PCDH9: variants seen among roughly 807,000 people sequenced by gnomAD.
The protein encoded by PCDH9 is protocadherin-9.
PCDH9 carries 24 observed loss-of-function variants against 70.6 expected under a neutral mutation model. The ratio of observed to expected loss-of-function variants is 0.34; its 90% confidence interval spans 0.25 to 0.48. The LOEUF (loss-of-function observed/expected upper bound fraction) is 0.48, where lower values mean the gene tolerates loss of function less well. Among genes scored for constraint, PCDH9 ranks in the 20% least tolerant of loss-of-function variants. The probability of loss-of-function intolerance (pLI) is 0.99; values close to 1 mark genes in which losing one functional copy is unlikely to be tolerated. For missense variants in PCDH9, 1,281 were observed against 1,503.6 expected (o/e 0.85, Z 2.45); for synonymous variants, 562 against 558.5 (o/e 1.01, Z -0.09).
chr13:67,146,175 A>T (rs1488416019), intron 2 of PCDH9, among the ~76,000 whole-genome samples: 5 of 152,152 alleles, frequency 3.3e-5, no homozygotes, highest in Non-Finnish European at 5.9e-5. Flanking sequence ...ATTCATGCTA[A>T]ACAGTCTGTC....
intron 4 of PCDH9, among the ~76,000 whole-genome samples, chr13:66,427,102 C>T (rs1957684288): frequency 6.6e-6 from 1 of 151,348 alleles, no homozygotes; most frequent in South Asian, 2.1e-4. Flanking sequence ...AAATATTTTC[C>T]ACATGAATGA....
chr13:66,467,506 C>A (rs1164876156), intron 4 of PCDH9, among the ~76,000 whole-genome samples: 2 of 152,026 alleles, frequency 1.3e-5, no homozygotes, highest in Admixed American at 6.6e-5. Context: ...AAGAAGCACC[C>A]ACATCTACCA....
intron 3 of PCDH9, among the ~76,000 whole-genome samples, chr13:66,692,377 T>C (rs1462289980): frequency 6.6e-6 from 1 of 152,112 alleles, no homozygotes; most frequent in Non-Finnish European, 1.5e-5. Flanking sequence ...TAATTTAGTG[T>C]TCTTCATCTA....
chr13:66,335,855 T>C (rs1304213611), intron 4 of PCDH9, among the ~76,000 whole-genome samples: 1 of 152,152 alleles, frequency 6.6e-6, no homozygotes, highest in African/African-American at 2.4e-5. Flanking sequence ...CGGGGGTGTC[T>C]ACTGTATTTG....
chr13:66,377,224 G>T (rs1202231217), intron 4 of PCDH9, among the ~76,000 whole-genome samples: 1 of 152,248 alleles, frequency 6.6e-6, no homozygotes, highest in African/African-American at 2.4e-5. Flanking sequence ...ACAGCTCATT[G>T]TACATTGAAC....
intron 2 of PCDH9, among the ~76,000 whole-genome samples, chr13:66,924,050 G>A (rs945420933): frequency 4.6e-5 from 7 of 151,694 alleles, no homozygotes; most frequent in African/African-American, 1.7e-4. Context: ...TGGTACAGAC[G>A]TAAAGCAAGA....
intron 2 of PCDH9, among the ~76,000 whole-genome samples, chr13:67,073,760 A>G (rs1267990734): frequency 6.6e-6 from 1 of 152,096 alleles, no homozygotes; most frequent in African/African-American, 2.4e-5. Flanking sequence ...CATGTTTGGT[A>G]ACTTTCATTT....
At chr13:66,760,815 G>C (rs564428016) in intron 3 of PCDH9, among the ~76,000 whole-genome samples, 1 of 152,090 alleles carries the variant, frequency 6.6e-6, no homozygotes, top group African/African-American at 2.4e-5. Flanking sequence ...CCCAGGGGGA[G>C]GTCTCGAAAA....
chr13:66,518,674 T>C (rs1959853664), intron 4 of PCDH9, among the ~76,000 whole-genome samples: 1 of 152,130 alleles, frequency 6.6e-6, no homozygotes, highest in Non-Finnish European at 1.5e-5. Context: ...GGTTTAGAAG[T>C]TATATAAGTT....
chr13:67,127,143 A>G (rs1594547686), intron 2 of PCDH9, among the ~76,000 whole-genome samples: 1 of 152,326 alleles, frequency 6.6e-6, no homozygotes, highest in East Asian at 1.9e-4. Flanking sequence ...TTAATAGTAA[A>G]TTAATTGAAT....
intron 4 of PCDH9, among the ~76,000 whole-genome samples, chr13:66,307,558 G>A (rs1955489066): frequency 6.6e-6 from 1 of 151,890 alleles, no homozygotes; most frequent in Non-Finnish European, 1.5e-5. Flanking sequence ...AACATCAATG[G>A]AGTTAATCAC....
At chr13:66,937,540 T>A (rs2082936861) in intron 2 of PCDH9, among the ~76,000 whole-genome samples, 1 of 152,240 alleles carries the variant, frequency 6.6e-6, no homozygotes, top group Non-Finnish European at 1.5e-5. Flanking sequence ...TATGCCTGTT[T>A]AAACAAACTA....
At chr13:66,359,952 T>C (rs930062277) in intron 4 of PCDH9, among the ~76,000 whole-genome samples, 5 of 152,168 alleles carry the variant, frequency 3.3e-5, no homozygotes, top group Non-Finnish European at 5.9e-5. Flanking sequence ...TAGCTATTTA[T>C]ACATCTTTAA....
intron 3 of PCDH9, among the ~76,000 whole-genome samples, chr13:66,717,480 A>AAAATATATATATAT (rs1566145314): frequency 2.3e-5 from 1 of 44,434 alleles, no homozygotes; most frequent in Non-Finnish European, 3.8e-5. Flanking sequence ...AAAAAAAAAA[A>AAAATATATATATAT]ATATATATAT....
intron 4 of PCDH9, among the ~76,000 whole-genome samples, chr13:66,535,959 A>G (rs1358141635): frequency 6.6e-6 from 1 of 152,106 alleles, no homozygotes; most frequent in African/African-American, 2.4e-5. Context: ...AGAAATATCC[A>G]CTATAAAGTG....
At chr13:67,006,886 A>G (rs1331413333) in intron 2 of PCDH9, among the ~76,000 whole-genome samples, 2 of 152,358 alleles carry the variant, frequency 1.3e-5, no homozygotes, top group East Asian at 3.8e-4. Context: ...AAAGGAAAAT[A>G]CAACTTCAAA....
intron 4 of PCDH9, among the ~76,000 whole-genome samples, chr13:66,471,920 T>C (rs955305072): frequency 1.3e-5 from 2 of 152,018 alleles, no homozygotes; most frequent in African/African-American, 4.8e-5. Context: ...TCATTGAAAC[T>C]AGAAATGTGG....
chr13:66,592,209 T>C (rs2077047153), intron 4 of PCDH9, among the ~76,000 whole-genome samples: 1 of 151,684 alleles, frequency 6.6e-6, no homozygotes, highest in Non-Finnish European at 1.5e-5. Flanking sequence ...GTGCTTTGTG[T>C]TCAACAAAAC....
chr13:66,951,655 G>T (rs1213272550), intron 2 of PCDH9, among the ~76,000 whole-genome samples: 2 of 152,158 alleles, frequency 1.3e-5, no homozygotes, highest in Non-Finnish European at 2.9e-5. Context: ...ACTATCCATT[G>T]TGATGCAAAT....
Sources: gnomAD v4.1 joint callset for allele counts (sites outside exome capture counted in the v4.1 genomes callset) on GRCh38, gnomAD v4.1.1 for gene constraint, MANE v1.5 for transcripts, NCBI Gene and HGNC (gene_info 2026-07-23, HGNC 2026-07-21) for gene names.